The following EYA1 variants were observed in gnomAD, a reference collection of about 807,000 sequenced individuals.
EYA1 encodes the protein EYA transcriptional coactivator and phosphatase 1.
A neutral mutation model predicts 82.0 loss-of-function variants in EYA1; 16 were observed. The observed-to-expected ratio is 0.20, with a 90% CI of 0.13 to 0.30. The LOEUF (loss-of-function observed/expected upper bound fraction) is 0.30. Ranked by LOEUF, EYA1 falls within the 10% of genes least tolerant of loss-of-function variation. The pLI, the probability that EYA1 is intolerant of heterozygous loss-of-function variation, is 1.00. For synonymous variants in EYA1, 261 were observed against 264.4 expected, an observed-to-expected ratio of 0.99 and a Z score of 0.12; for missense variants, 633 against 730.7, an observed-to-expected ratio of 0.87 and a Z score of 1.54.
chr8:71,495,993 C>G (rs965991523), intron 2 of EYA1, among the ~76,000 whole-genome samples: 1 of 152,124 alleles, frequency 6.6e-6, no homozygotes, highest in African/African-American at 2.4e-5. Flanking sequence ...ATTACTATTC[C>G]TAAACACTGG....
intron 12 of EYA1, among the ~76,000 whole-genome samples, chr8:71,237,623 A>G (rs1812004752): frequency 6.6e-6 from 1 of 152,210 alleles, no homozygotes; most frequent in Admixed American, 6.5e-5. Context: ...TAAACAATCA[A>G]TGTTAAACTT....
At chr8:71,337,113 G>C (rs16937593) in intron 3 of EYA1, among the ~76,000 whole-genome samples, 13,159 of 152,144 alleles carry the variant, frequency 0.086, 825 homozygotes, top group African/African-American at 0.17. Context: ...CCAACGCTTT[G>C]AATTTAAAAA....
intron 12 of EYA1, among the ~76,000 whole-genome samples, chr8:71,242,557 T>A (rs1357924661): frequency 6.6e-6 from 1 of 152,122 alleles, no homozygotes; most frequent in Non-Finnish European, 1.5e-5. Context: ...AAAAAATACA[T>A]CTCCTATACC....
chr8:71,377,294 A>C (rs1178662009), intron 2 of EYA1, among the ~76,000 whole-genome samples: 1 of 152,130 alleles, frequency 6.6e-6, no homozygotes, highest in Non-Finnish European at 1.5e-5. Flanking sequence ...CCAGATATGA[A>C]AGTGAAGCCA....
chr8:71,230,083 G>A (rs958422599), intron 12 of EYA1, among the ~76,000 whole-genome samples: 8 of 152,220 alleles, frequency 5.3e-5, no homozygotes, highest in Admixed American at 3.3e-4. Flanking sequence ...ACTGAAATGG[G>A]AGAAGTCTCC....
intron 7 of EYA1, among the ~76,000 whole-genome samples, chr8:71,308,584 TA>T: frequency 6.6e-6 from 1 of 152,156 alleles, no homozygotes; most frequent in Non-Finnish European, 1.5e-5. Flanking sequence ...ACATCTTCAC[TA>T]CCTCTTCGTA....
At chr8:71,209,818 T>C (rs1455237356) in intron 17 of EYA1, among the ~76,000 whole-genome samples, 1 of 152,158 alleles carries the variant, frequency 6.6e-6, no homozygotes, top group African/African-American at 2.4e-5. Flanking sequence ...TGTTCTTCAA[T>C]TCAAGAAACA....
intron 3 of EYA1, among the ~76,000 whole-genome samples, chr8:71,340,213 T>A (rs1252886528): frequency 6.6e-6 from 1 of 152,234 alleles, no homozygotes; most frequent in African/African-American, 2.4e-5. Context: ...TAATCATGTA[T>A]TTAAGGTCCC....
intron 12 of EYA1, among the ~76,000 whole-genome samples, chr8:71,220,689 A>G (rs1809788260): frequency 6.6e-6 from 1 of 152,250 alleles, no homozygotes; most frequent in African/African-American, 2.4e-5. Flanking sequence ...TAAAATGTAC[A>G]TATGCTGGAT....
intron 9 of EYA1, among the ~76,000 whole-genome samples, chr8:71,285,622 A>T (rs1818285530): frequency 6.6e-6 from 1 of 152,242 alleles, no homozygotes; most frequent in Admixed American, 6.5e-5. Flanking sequence ...ATAAAGAGGC[A>T]TGTGCTCTTG....
In EYA1 at chr8:71,241,831, G is replaced by A. The variant is rs138893813; in HGVS notation, c.1140+2772C>T. Among the ~76,000 whole-genome samples, 119 of 149,836 alleles carry A rather than the reference G, an allele frequency of 7.9e-4. 3 individuals carry two copies. The East Asian group carries it at 0.021, about 26-fold the overall frequency. Reference sequence around the variant, plus strand: ...AATAGACATTTTTTTTTTTTTGCCAGAAAATAATTTTACTTTTTATTTTGA... The same window carrying A: ...AATAGACATTTTTTTTTTTTTGCCAAAAAATAATTTTACTTTTTATTTTGA... On this transcript the variant is annotated intron_variant, in intron 12 of 17. Coordinates refer to ENST00000340726, the MANE Select transcript of EYA1 (RefSeq NM_000503.6).
chr8:71,394,268 T>C (rs530736671), intron 2 of EYA1, among the ~76,000 whole-genome samples: 1 of 152,220 alleles, frequency 6.6e-6, no homozygotes, highest in Non-Finnish European at 1.5e-5. Flanking sequence ...GGTAGTTTCT[T>C]TTGCTGTGCA....
intron 2 of EYA1, among the ~76,000 whole-genome samples, chr8:71,368,152 G>A (rs936661212): frequency 5.3e-5 from 8 of 152,114 alleles, no homozygotes; most frequent in Non-Finnish European, 1.0e-4. Context: ...CCAAAGATCT[G>A]GGATTTTTGA....
At chr8:71,268,122 C>T (rs1452558076) in intron 11 of EYA1, among the ~76,000 whole-genome samples, 1 of 152,190 alleles carries the variant, frequency 6.6e-6, no homozygotes, top group Non-Finnish European at 1.5e-5. Context: ...GGATGCCTAA[C>T]TCCTTAACTC....
intron 2 of EYA1, among the ~76,000 whole-genome samples, chr8:71,379,640 A>C (rs1327516777): frequency 1.3e-5 from 2 of 152,180 alleles, no homozygotes; most frequent in Non-Finnish European, 2.9e-5. Flanking sequence ...CAATATTTTA[A>C]CAGACAACTT....
In EYA1 at chr8:71,535,768, G is replaced by A. The variant is rs949618885; in HGVS notation, c.9C>T (p.Asp3=). The A allele has an allele frequency of 5.3e-5, 81 of 1,520,240 alleles. No individual in the cohort carries two copies. The East Asian group carries it at 1.7e-3, about 32-fold the overall frequency. The allele number at this position is 1,520,240 out of a possible 1,614,324, so 94.2% of individuals were successfully genotyped here. Residue 3 remains aspartate (D), a synonymous_variant, in exon 2 of 19, where the codon GAC becomes GAT. Transcript: ENST00000643681. ...CAGACTGTCCATTTATCCCCCGGGGGTCTTCCATTGAAGACTTCTTCTGAA... is the reference window on the plus strand; with the variant it reads ...CAGACTGTCCATTTATCCCCCGGGGATCTTCCATTGAAGACTTCTTCTGAA...
intron 2 of EYA1, among the ~76,000 whole-genome samples, chr8:71,449,536 T>G (rs1238270732): frequency 2.6e-5 from 4 of 152,226 alleles, no homozygotes; most frequent in Non-Finnish European, 4.4e-5. Flanking sequence ...AACCAAGCTA[T>G]GGACAGATGT....
intron 11 of EYA1, among the ~76,000 whole-genome samples, chr8:71,246,063 T>C (rs1813053816): frequency 6.6e-6 from 1 of 152,194 alleles, no homozygotes; most frequent in East Asian, 1.9e-4. Flanking sequence ...AGAAGCAACA[T>C]GGTTCATGGC....
chr8:71,265,167 G>T (rs1301936816), intron 11 of EYA1, among the ~76,000 whole-genome samples: 1 of 150,748 alleles, frequency 6.6e-6, no homozygotes, highest in Non-Finnish European at 1.5e-5. Flanking sequence ...TTTTTGTTTT[G>T]TTTTTTTTTG....
Sources: allele counts gnomAD v4.1 joint callset (sites outside exome capture counted in the v4.1 genomes callset), GRCh38; gene constraint gnomAD v4.1.1; transcripts MANE v1.5; gene names NCBI Gene and HGNC (gene_info 2026-07-23, HGNC 2026-07-21).